MAP3K14: variants seen among roughly 807,000 people sequenced by gnomAD.
MAP3K14 encodes mitogen-activated protein kinase kinase kinase 14.
Under a neutral mutation model 99.2 loss-of-function variants are expected in MAP3K14, and 16 were observed. The ratio of observed to expected loss-of-function variants is 0.16; its 90% CI spans 0.11 to 0.24. The LOEUF is 0.24. MAP3K14 is among the 10% of genes least tolerant of loss of function. The pLI is 1.00. For missense variants in MAP3K14, 784 were observed against 1,208.7 expected, an observed-to-expected ratio of 0.65 and a Z score of 5.21; for synonymous variants, 462 against 492.4, an observed-to-expected ratio of 0.94 and a Z score of 0.82.
At chr17:45,296,136 T>C (rs994635636) in intron 1 of MAP3K14, among the ~76,000 whole-genome samples, 8 of 152,140 alleles carry the variant, frequency 5.3e-5, no homozygotes, top group African/African-American at 2.4e-5. Flanking sequence ...CTTAATAAGA[T>C]ATTGGTTGAA....
rs2044269990 is a variant in MAP3K14, at chr17:45,286,841, C to T, written c.742G>A (p.Gly248Arg). ...HVWKLHHPQD[G>R]GPLPLPTHPF... ...TGCGTGGGCAGGGGCAGGGGGCCTC[C>T]GTCCTGGGGGTGGTGCAGTTTCCAC... The change falls in exon 5 of 16, where the codon GGA becomes AGA. Residue 248 changes from glycine (G) to arginine (R), a missense_variant. This residue lies in a region of MAP3K14 where 138 missense variants were observed against 164.1 expected (regional missense o/e 0.84). Coordinates refer to ENST00000344686, the MANE Select transcript of MAP3K14 (RefSeq NM_003954.5). The surrounding 1 kb of genome is among the most constrained non-coding windows in gnomAD (Gnocchi z 4.1). The T allele has an allele frequency of 3.1e-6, 5 of 1,613,818 alleles. No homozygotes were observed. The highest frequency in any genetic ancestry group is 1.1e-5 in the South Asian group (1 of 91,064).
intron 3 of MAP3K14, among the ~76,000 whole-genome samples, chr17:45,288,327 T>C (rs1374359055): frequency 6.6e-6 from 1 of 151,338 alleles, no homozygotes; most frequent in Admixed American, 6.6e-5. Context: ...ACTCCAATGA[T>C]ACAAAACCTG....
intron 3 of MAP3K14, among the ~76,000 whole-genome samples, chr17:45,287,724 G>A (rs1057076696): frequency 2.0e-5 from 3 of 152,184 alleles, no homozygotes; most frequent in Non-Finnish European, 4.4e-5. Flanking sequence ...GAGCAGACAC[G>A]GTTCGCTCAC....
Position 45,273,531 on chromosome 17 carries a change from A to G in MAP3K14, c.1629T>C (p.Pro543=). The G allele has an allele frequency of 1.2e-6, 2 of 1,612,316 alleles. No homozygotes were observed. The highest frequency in any genetic ancestry group is 1.7e-6 in the Non-Finnish European group (2 of 1,178,860). ...TGAGCAAGGACTTTCCCAGGCCATC[A>G]GGTTGAAGACACACAGCATGGCCAA... ...CDFGHAVCLQ[P]DGLGKSLLTG... The change falls in exon 9 of 16, where the codon CCT becomes CCC. Residue 543 remains proline (P), a synonymous_variant. Transcript: ENST00000344686.
At chr17:45,280,799 C>T (rs9905609) in intron 6 of MAP3K14, among the ~76,000 whole-genome samples, 36,361 of 151,476 alleles carry the variant, frequency 0.24, 4,859 homozygotes, top group African/African-American at 0.36. Flanking sequence ...TTGGTAGAGA[C>T]GGGGTTTCAC....
At chr17:45,274,632 G>A in intron 6 of MAP3K14, 39 bp from the exon 7 acceptor site, 2 of 1,605,900 alleles carry the variant, frequency 1.2e-6, no homozygotes, top group East Asian at 4.5e-5. Context: ...ACAGGGTGAG[G>A]GGACCAGAGC....
chr17:45,277,788 C>T (rs191011029), intron 6 of MAP3K14, among the ~76,000 whole-genome samples: 2 of 152,262 alleles, frequency 1.3e-5, no homozygotes, highest in East Asian at 1.9e-4. Context: ...CTTCAAAGTA[C>T]GATCACGCAC....
intron 1 of MAP3K14, among the ~76,000 whole-genome samples, chr17:45,292,968 G>A (rs1802936167): frequency 1.3e-5 from 2 of 152,132 alleles, no homozygotes; most frequent in Non-Finnish European, 2.9e-5. Context: ...CACTCCCCAA[G>A]CTCCTGGGTT....
intron 1 of MAP3K14, among the ~76,000 whole-genome samples, chr17:45,292,537 T>C (rs1172351093): frequency 6.6e-6 from 1 of 152,144 alleles, no homozygotes; most frequent in Non-Finnish European, 1.5e-5. Context: ...TTCTCCAGCC[T>C]GAGTGACAGA....
intron 1 of MAP3K14, among the ~76,000 whole-genome samples, chr17:45,313,632 C>T (rs1001772767): frequency 2.0e-5 from 3 of 152,168 alleles, no homozygotes; most frequent in South Asian, 2.1e-4. Flanking sequence ...GGGCTCTCTG[C>T]CTTTGTTTCT....
At chr17:45,305,064 G>A in intron 1 of MAP3K14, among the ~76,000 whole-genome samples, 1 of 152,136 alleles carries the variant, frequency 6.6e-6, no homozygotes, top group Non-Finnish European at 1.5e-5. Context: ...TTGTATGACT[G>A]GAAGTGTAAG....
rs369154222 is a variant in MAP3K14, at chr17:45,275,760, CTT to C, written c.1291-1169_1291-1168del. On this transcript the variant is annotated intron_variant, in intron 6 of 15. Transcript: ENST00000344686. ...GGTGCATTTTTTTTTCTTTTCTTTT[CTT>C]TTTTTTTTTTTTTTTTGAGACAGAG... Among the ~76,000 whole-genome samples, 62 of 123,502 alleles carry C rather than the reference CTT, an allele frequency of 5.0e-4. 2 individuals carry two copies. The highest frequency in any genetic ancestry group is 4.4e-3 in the South Asian group (17 of 3,880). The allele number at this position is 123,502 out of a possible 152,430, so 81.0% of individuals were successfully genotyped here. A position where few individuals can be genotyped will look rare whatever the true frequency, so the allele number is the denominator to read the frequency against.
intron 1 of MAP3K14, among the ~76,000 whole-genome samples, chr17:45,305,815 A>G (rs990768552): frequency 2.0e-5 from 3 of 152,204 alleles, no homozygotes; most frequent in African/African-American, 7.2e-5. Flanking sequence ...TCAAAGCAGG[A>G]GGAGGACAAT....
At chr17:45,273,319 C>T (rs2044154078) in intron 9 of MAP3K14, among the ~76,000 whole-genome samples, 184 bp downstream of exon 9, 1 of 152,174 alleles carries the variant, frequency 6.6e-6, no homozygotes, top group African/African-American at 2.4e-5. Context: ...ACAATGAGCA[C>T]CTGACATCTA....
rs1169631214 is a variant in MAP3K14, at chr17:45,265,024, C to T, written c.2679+139G>A. ...GAGGCCCTGGGAAATGCTTTGAGGTCCTGGGGGACGTTGAAGGCCAATTCC... is the reference window on the plus strand; with the variant it reads ...GAGGCCCTGGGAAATGCTTTGAGGTTCTGGGGGACGTTGAAGGCCAATTCC... On this transcript the variant is annotated intron_variant, in intron 15 of 15. Transcript: ENST00000344686. The T allele has an allele frequency of 4.8e-6, 4 of 829,204 alleles. No individual in the cohort carries two copies. In the African/African-American group the frequency reaches 6.8e-5, roughly 14 times the overall value. The allele number at this position is 829,204 out of a possible 1,614,324, so 51.4% of individuals were successfully genotyped here. A position where few individuals can be genotyped will look rare whatever the true frequency, so the allele number is the denominator to read the frequency against.
At chr17:45,297,974 C>T (rs912085238) in intron 1 of MAP3K14, among the ~76,000 whole-genome samples, 1 of 152,122 alleles carries the variant, frequency 6.6e-6, no homozygotes, top group African/African-American at 2.4e-5. Context: ...CTGCCTTGGC[C>T]TCCTAAAGTG....
At chr17:45,290,212 T>C (rs923849587) in intron 2 of MAP3K14, among the ~76,000 whole-genome samples, 7 of 152,228 alleles carry the variant, frequency 4.6e-5, no homozygotes, top group Non-Finnish European at 7.3e-5. Flanking sequence ...GTTGATGGCC[T>C]GCTTGATGAT....
intron 1 of MAP3K14, among the ~76,000 whole-genome samples, chr17:45,309,083 T>C (rs553928958): frequency 5.9e-5 from 9 of 152,208 alleles, no homozygotes; most frequent in South Asian, 2.1e-4. Flanking sequence ...TCCCAAGTCA[T>C]TGGGATTACA....
intron 6 of MAP3K14, among the ~76,000 whole-genome samples, chr17:45,283,610 C>T (rs987320243): frequency 2.0e-5 from 3 of 152,200 alleles, no homozygotes; most frequent in African/African-American, 7.2e-5. Flanking sequence ...CAGCGTGTGC[C>T]AGGCTTTTGT....
Sources: allele counts gnomAD v4.1 joint callset (sites outside exome capture counted in the v4.1 genomes callset), GRCh38; gene constraint gnomAD v4.1.1; regional missense constraint gnomAD v4.1.1; non-coding constraint Gnocchi (gnomAD v3.1); transcripts MANE v1.5; gene names NCBI Gene and HGNC (gene_info 2026-07-23, HGNC 2026-07-21).